CST7: variants seen among roughly 807,000 people sequenced by gnomAD.
CST7 encodes cystatin F, also known as cystatin-F.
In CST7, 15 loss-of-function variants were observed where a neutral mutation model predicts 13.1. The observed-to-expected ratio is 1.14, with a 90% confidence interval of 0.77 to 1.76. CST7 has a LOEUF of 1.76. Among genes scored for constraint, CST7 ranks in the 40% most tolerant of loss-of-function variants. The pLI is 0.00. For missense variants in CST7, 193 were observed against 178.8 expected, an observed-to-expected ratio of 1.08 and a Z score of -0.45; for synonymous variants, 75 against 66.9, an observed-to-expected ratio of 1.12 and a Z score of -0.59.
chr20:24,955,475 A>C (rs1373471812), intron 1 of CST7, among the ~76,000 whole-genome samples: 1 of 133,022 alleles, frequency 7.5e-6, no homozygotes, highest in Admixed American at 8.4e-5. Context: ...TCTGAGACGG[A>C]GTCTCGCTCT....
chr20:24,959,182 C>T (rs934494436), intron 3 of CST7, 138 bp downstream of exon 3: 1 of 696,994 alleles, frequency 1.4e-6, no homozygotes, highest in Non-Finnish European at 2.5e-6. Context: ...GCCTCCCAGA[C>T]TCCCGCACGA....
At position 24,949,382 on chromosome 20, in the gene CST7, T is replaced by C; in HGVS notation, c.-124T>C. 2 of 1,585,940 alleles carry C rather than the reference T, an allele frequency of 1.3e-6. No individual in the cohort carries two copies. The highest frequency in any genetic ancestry group is 1.7e-6 in the Non-Finnish European group (2 of 1,164,718). ...CACAGACCACTGCCCCCACCTGCCCTGCGCCATCTACCCAAGAAGGCTCGG... is the reference window on the plus strand; with the variant it reads ...CACAGACCACTGCCCCCACCTGCCCCGCGCCATCTACCCAAGAAGGCTCGG... On this transcript the variant is annotated 5_prime_UTR_variant, in exon 1 of 4. Coordinates refer to ENST00000480798, the MANE Select transcript of CST7 (RefSeq NM_003650.4).
chr20:24,955,041 AAC>A (rs1487830707), intron 1 of CST7, among the ~76,000 whole-genome samples: 921 of 75,202 alleles, frequency 0.012, 14 homozygotes, highest in African/African-American at 0.06. Context: ...AAAGCAAAAC[AAC>A]AACAACAACA....
At chr20:24,950,953 C>T (rs1490821594) in intron 1 of CST7, among the ~76,000 whole-genome samples, 1 of 152,170 alleles carries the variant, frequency 6.6e-6, no homozygotes, top group African/African-American at 2.4e-5. Flanking sequence ...CTAGCGTGTC[C>T]TGGGATCTAA....
intron 1 of CST7, among the ~76,000 whole-genome samples, chr20:24,950,887 G>A (rs1307330518): frequency 1.3e-5 from 2 of 152,170 alleles, no homozygotes. Context: ...CAGAGAAGTG[G>A]CTCGTTCTCA....
intron 2 of CST7, among the ~76,000 whole-genome samples, chr20:24,958,624 G>A (rs1016030710): frequency 6.6e-6 from 1 of 152,208 alleles, no homozygotes; most frequent in Admixed American, 6.5e-5. Context: ...TGGAGTGAGG[G>A]CTGCAGGGCG....
chr20:24,959,069 G>T (rs760386858), intron 3 of CST7, 25 bp downstream of exon 3: 2 of 1,549,302 alleles, frequency 1.3e-6, no homozygotes, highest in South Asian at 2.2e-5. Flanking sequence ...CCTTCTCTCA[G>T]ATGTGCCCTC....
Position 24,957,296 on chromosome 20 carries a change from C to T in CST7, c.80C>T (p.Ser27Phe), listed in dbSNP as rs369955079. 3.7e-6 allele frequency: 6 copies of T among 1,612,536 alleles called. No homozygotes were observed. The highest frequency in any genetic ancestry group is 4.2e-6 in the Non-Finnish European group (5 of 1,179,348). The part of the protein sequence containing the change: ...TTGGPSPDTC[S>F]QDLNSRVKPG... The stretch of plus-strand genomic sequence containing the variant: ...TCTTTGTCTCTTTCAGATACTTGTT[C>T]CCAGGACCTTAACTCACGTGTGAAG... Residue 27 changes from serine to phenylalanine, a missense_variant, in exon 2 of 4, where the codon TCC becomes TTC. Ser to Phe is a radical substitution (Grantham distance 155). Coordinates refer to ENST00000480798, the MANE Select transcript of CST7 (RefSeq NM_003650.4).
intron 2 of CST7, among the ~76,000 whole-genome samples, chr20:24,957,950 C>T (rs990148045): frequency 3.9e-5 from 6 of 152,204 alleles, no homozygotes; most frequent in African/African-American, 1.4e-4. Flanking sequence ...CTTTCCCTGA[C>T]TCATTCCTAC....
intron 1 of CST7, among the ~76,000 whole-genome samples, chr20:24,955,300 A>G (rs1409972479): frequency 6.6e-6 from 1 of 152,154 alleles, no homozygotes; most frequent in Non-Finnish European, 1.5e-5. Context: ...GCAGGTCCCA[A>G]GGGACCCCTC....
rs139193744 is a variant in CST7, at chr20:24,959,129, G to A, written c.360+85G>A. The A allele has an allele frequency of 1.4e-4, 157 of 1,090,300 alleles. No homozygotes were observed. In the Middle Eastern group the frequency reaches 3.0e-3, roughly 21 times the overall value. The allele number at this position is 1,090,300 out of a possible 1,614,324, so 67.5% of individuals were successfully genotyped here. ...GGACTGTGAAAAACACCGTCACCACGTCTCTAACGCAGCGCCCCAAACCTC... is the reference window on the plus strand; with the variant it reads ...GGACTGTGAAAAACACCGTCACCACATCTCTAACGCAGCGCCCCAAACCTC... On this transcript the variant is annotated intron_variant, in intron 3 of 3. Coordinates refer to ENST00000480798, the MANE Select transcript of CST7 (RefSeq NM_003650.4).
At chr20:24,958,356 G>A (rs1383476514) in intron 2 of CST7, among the ~76,000 whole-genome samples, 3 of 152,242 alleles carry the variant, frequency 2.0e-5, no homozygotes, top group African/African-American at 7.2e-5. Context: ...GGGTTCTCTG[G>A]GAGGGGACTT....
intron 1 of CST7, among the ~76,000 whole-genome samples, chr20:24,952,803 G>A (rs956943656): frequency 1.3e-5 from 2 of 152,216 alleles, no homozygotes; most frequent in Non-Finnish European, 2.9e-5. Flanking sequence ...CTCAGGGATG[G>A]TTTCACAAGC....
chr20:24,959,536 G>A (rs1452823024), intron 3 of CST7, 99 bp from the exon 4 acceptor site: 1 of 1,074,788 alleles, frequency 9.3e-7, no homozygotes, highest in Non-Finnish European at 1.4e-6. Context: ...GAAAAATAGG[G>A]GCAGGAGAAG....
intron 3 of CST7, 113 bp from the exon 4 acceptor site, chr20:24,959,522 A>G: frequency 1.0e-6 from 1 of 982,200 alleles, no homozygotes; most frequent in Non-Finnish European, 1.6e-6. Flanking sequence ...AAATTTTTCA[A>G]AATGAAAAAT....
At chr20:24,952,687 C>A (rs1450134400) in intron 1 of CST7, among the ~76,000 whole-genome samples, 2 of 152,246 alleles carry the variant, frequency 1.3e-5, no homozygotes, top group Non-Finnish European at 1.5e-5. Flanking sequence ...AGGGTCTCCC[C>A]ACCCAGCTCA....
At chr20:24,951,392 A>G (rs227658) in intron 1 of CST7, among the ~76,000 whole-genome samples, 30,812 of 152,134 alleles carry the variant, frequency 0.2, 3,294 homozygotes, top group Middle Eastern at 0.32. Flanking sequence ...CCCTTCTGCC[A>G]CTGTGCTGGT....
intron 2 of CST7, 84 bp downstream of exon 2, chr20:24,957,543 G>T: frequency 1.5e-6 from 2 of 1,374,660 alleles, no homozygotes; most frequent in Non-Finnish European, 2.0e-6. Flanking sequence ...AGAGCAGGGC[G>T]GATATAATGT....
Position 24,955,055 on chromosome 20 carries a change from C to CA in CST7, c.71-2223dup, listed in dbSNP as rs201760088. Among the ~76,000 whole-genome samples the CA allele has an allele frequency of 1.8e-4, 8 of 45,250 alleles. No individual in the cohort carries two copies. In the South Asian group the frequency reaches 2.2e-3, roughly 12 times the overall value. The allele number at this position is 45,250 out of a possible 152,430, so 29.7% of individuals were successfully genotyped here. ...GAAAGCAAAACAACAACAACAACAACAAAAAAAAACGCTAATCTGACAGCA... is the reference window on the plus strand; with the variant it reads ...GAAAGCAAAACAACAACAACAACAACAAAAAAAAAACGCTAATCTGACAGCA... On this transcript the variant is annotated intron_variant, in intron 1 of 3. Coordinates refer to ENST00000480798, the MANE Select transcript of CST7 (RefSeq NM_003650.4).
Sources: allele counts gnomAD v4.1 joint callset (sites outside exome capture counted in the v4.1 genomes callset), GRCh38; gene constraint gnomAD v4.1.1; transcripts MANE v1.5; gene names NCBI Gene and HGNC (gene_info 2026-07-23, HGNC 2026-07-21).